WDSUB1: variants seen among roughly 807,000 people sequenced by gnomAD.
WDSUB1 encodes WD repeat, sterile alpha motif and U-box domain containing 1, also known as WD repeat, SAM and U-box domain-containing protein 1.
A neutral mutation model predicts 53.9 loss-of-function variants in WDSUB1; 49 were observed. That is an observed-to-expected ratio of 0.91 (90% confidence interval 0.72 to 1.15). The LOEUF is 1.15. Among genes scored for constraint, WDSUB1 ranks in the 50% most tolerant of loss-of-function variants. WDSUB1 has a pLI of 0.00. For missense variants in WDSUB1, 514 were observed against 562.0 expected (o/e 0.91, Z 0.86); for synonymous variants, 194 against 200.6 (o/e 0.97, Z 0.28).
Position 159,256,431 on chromosome 2 carries a change from A to G in WDSUB1, c.953-56T>C, listed in dbSNP as rs1041513458. The G allele has an allele frequency of 1.8e-5, 27 of 1,523,578 alleles. No individual in the cohort carries two copies. The African/African-American group carries it at 2.5e-4, about 14-fold the overall frequency. The allele number at this position is 1,523,578 out of a possible 1,614,324, so 94.4% of individuals were successfully genotyped here. A position where few individuals can be genotyped will look rare whatever the true frequency, so the allele number is the denominator to read the frequency against. ...ACAAAAAAGTATTTCCTTTATAAACATTCTCACTTTGAATTAAAAGTAAAT... is the reference window on the plus strand; with the variant it reads ...ACAAAAAAGTATTTCCTTTATAAACGTTCTCACTTTGAATTAAAAGTAAAT... On this transcript the variant is annotated intron_variant, in intron 8 of 10. Coordinates refer to ENST00000359774, the MANE Select transcript of WDSUB1 (RefSeq NM_001128212.3).
chr2:159,249,654 A>G (rs72955997), intron 9 of WDSUB1, among the ~76,000 whole-genome samples: 53,475 of 152,046 alleles, frequency 0.35, 12,394 homozygotes, highest in Non-Finnish European at 0.54. Flanking sequence ...TGACTACTAT[A>G]ATGTCTTGCC....
intron 10 of WDSUB1, among the ~76,000 whole-genome samples, chr2:159,244,037 A>G (rs73004947): frequency 0.042 from 6,311 of 149,354 alleles, 211 homozygotes; most frequent in African/African-American, 0.082. Flanking sequence ...CTAAAGGAGG[A>G]AAAAAAATAT....
chr2:159,247,736 A>G (rs1162476965), intron 10 of WDSUB1, among the ~76,000 whole-genome samples: 1 of 151,132 alleles, frequency 6.6e-6, no homozygotes, highest in Non-Finnish European at 1.5e-5. Context: ...TTGCAAGCAC[A>G]TACACACCAA....
chr2:159,264,900 A>G (rs369877546), intron 5 of WDSUB1, among the ~76,000 whole-genome samples: 1 of 152,080 alleles, frequency 6.6e-6, no homozygotes, highest in Admixed American at 6.6e-5. Context: ...CCTGGCCAAC[A>G]TGGTGAAACC....
chr2:159,254,501 C>T (rs771972237), intron 9 of WDSUB1, among the ~76,000 whole-genome samples: 16 of 152,056 alleles, frequency 1.1e-4, no homozygotes, highest in Non-Finnish European at 1.5e-4. Context: ...GTTGAAGCTG[C>T]AGTGAGGCAT....
At chr2:159,240,793 C>T (rs905027638) in intron 10 of WDSUB1, among the ~76,000 whole-genome samples, 2 of 152,158 alleles carry the variant, frequency 1.3e-5, no homozygotes, top group African/African-American at 4.8e-5. Context: ...AGACAATGCT[C>T]TTACTCTCCC....
intron 5 of WDSUB1, among the ~76,000 whole-genome samples, chr2:159,261,894 ATATTTTTTTTTTTTTTTTTTTTTTT>A (rs1377435651): frequency 7.5e-5 from 1 of 13,308 alleles, no homozygotes; most frequent in African/African-American, 5.0e-4. Flanking sequence ...ATATATATAT[ATATTTTTTTTTTTTTTTTTTTTTTT>A]TTTTTTTTTT....
chr2:159,285,287 A>G (rs549952456), intron 1 of WDSUB1, among the ~76,000 whole-genome samples: 5 of 152,356 alleles, frequency 3.3e-5, no homozygotes, highest in African/African-American at 1.2e-4. Flanking sequence ...ACACAGAAAC[A>G]TAACTGACGG....
chr2:159,267,914 C>A (rs1290633015), intron 5 of WDSUB1, among the ~76,000 whole-genome samples: 2 of 152,092 alleles, frequency 1.3e-5, no homozygotes, highest in East Asian at 3.9e-4. Flanking sequence ...TCCAAATAAA[C>A]TAGAAATATT....
chr2:159,236,484 G>A (rs566678774), intron 10 of WDSUB1, among the ~76,000 whole-genome samples: 75 of 152,258 alleles, frequency 4.9e-4, no homozygotes, highest in Non-Finnish European at 9.7e-4. Context: ...AGAGAAGAAA[G>A]GAACAGAGCT....
chr2:159,266,800 G>T (rs969799898), intron 5 of WDSUB1, among the ~76,000 whole-genome samples: 2 of 152,084 alleles, frequency 1.3e-5, no homozygotes, highest in Admixed American at 6.5e-5. Flanking sequence ...TTGAGTCAGG[G>T]TTTCACTCTG....
At chr2:159,280,309 C>T (rs1325088549) in intron 2 of WDSUB1, among the ~76,000 whole-genome samples, 2 of 152,054 alleles carry the variant, frequency 1.3e-5, no homozygotes, top group Non-Finnish European at 2.9e-5. Context: ...CAACTACAGC[C>T]ATATTTTTTA....
chr2:159,251,478 G>C (rs1357917496), intron 9 of WDSUB1, among the ~76,000 whole-genome samples: 3 of 152,152 alleles, frequency 2.0e-5, no homozygotes, highest in African/African-American at 7.2e-5. Flanking sequence ...TAGAAATGAA[G>C]TCAGATCATC....
chr2:159,245,586 GC>G (rs2060777172), intron 10 of WDSUB1, among the ~76,000 whole-genome samples: 1 of 151,120 alleles, frequency 6.6e-6, no homozygotes, highest in South Asian at 2.1e-4. Context: ...GTGGTAACCG[GC>G]CCCCAGATAG....
In WDSUB1 at chr2:159,236,124, A is replaced by G. The variant is rs2060472826; in HGVS notation, c.1340T>C (p.Met447Thr). The G allele has an allele frequency of 6.2e-7, 1 of 1,613,880 alleles. No individual in the cohort carries two copies. Among genetic ancestry groups the G allele is most frequent in the African/African-American group, 1.3e-5 (1 of 74,936 alleles). ...CGCTGAAGGAAGAACAAGATTTGTC[A>G]TGGGACTTGTACGTTTCTTTTTGCT... The part of the protein sequence containing the change: ...WISKKKRTSP[M>T]TNLVLPSAVL... The change falls in exon 11 of 11, where the codon ATG becomes ACG. Residue 447 changes from methionine (M) to threonine (T), a missense_variant. Physicochemically the swap from Met to Thr is moderately conservative, Grantham distance 81. Transcript: ENST00000359774.
At chr2:159,285,044 G>A (rs2061757318) in intron 1 of WDSUB1, among the ~76,000 whole-genome samples, 1 of 152,144 alleles carries the variant, frequency 6.6e-6, no homozygotes, top group Non-Finnish European at 1.5e-5. Flanking sequence ...CACCAGCATC[G>A]GATATTTGTT....
At chr2:159,247,332 A>T (rs2060821306) in intron 10 of WDSUB1, among the ~76,000 whole-genome samples, 1 of 152,214 alleles carries the variant, frequency 6.6e-6, no homozygotes, top group East Asian at 1.9e-4. Context: ...TCAGCTAATT[A>T]TCAGAGAAGA....
chr2:159,285,231 T>C (rs1409171800), intron 1 of WDSUB1, among the ~76,000 whole-genome samples: 1 of 152,196 alleles, frequency 6.6e-6, no homozygotes, highest in African/African-American at 2.4e-5. Flanking sequence ...ATAATCCATA[T>C]GTAATATGAA....
At chr2:159,244,263 A>G (rs1474453833) in intron 10 of WDSUB1, among the ~76,000 whole-genome samples, 7 of 152,186 alleles carry the variant, frequency 4.6e-5, no homozygotes, top group Non-Finnish European at 1.5e-5. Context: ...CAAATTGGAA[A>G]GAAAGAAATT....
Sources: allele counts gnomAD v4.1 joint callset (sites outside exome capture counted in the v4.1 genomes callset), GRCh38; gene constraint gnomAD v4.1.1; transcripts MANE v1.5; gene names NCBI Gene and HGNC (gene_info 2026-07-23, HGNC 2026-07-21).